The following PRKG1 variants were observed in gnomAD, a reference collection of about 807,000 sequenced individuals.
The protein encoded by PRKG1 is protein kinase cGMP-dependent 1, also known as cGMP-dependent protein kinase 1.
A neutral mutation model predicts 88.1 loss-of-function variants in PRKG1; 35 were observed. The observed-to-expected ratio is 0.40, with a 90% CI of 0.30 to 0.53. The LOEUF (loss-of-function observed/expected upper bound fraction) is 0.53, where lower values mean the gene tolerates loss of function less well. PRKG1 is among the 20% of genes least tolerant of loss of function. PRKG1 has a pLI of 0.59. For synonymous variants in PRKG1, 303 were observed against 292.5 expected (o/e 1.04, Z -0.37); for missense variants, 540 against 839.8 (o/e 0.64, Z 4.41).
intron 7 of PRKG1, among the ~76,000 whole-genome samples, chr10:52,078,229 A>G (rs1413365246): frequency 6.6e-6 from 1 of 152,240 alleles, no homozygotes; most frequent in Admixed American, 6.5e-5. Context: ...AGTCTTTTAC[A>G]TTGTATTACC....
chr10:51,749,362 T>C (rs1454490136), intron 3 of PRKG1, among the ~76,000 whole-genome samples: 1 of 152,210 alleles, frequency 6.6e-6, no homozygotes, highest in Admixed American at 6.5e-5. Context: ...GCCACGAGCA[T>C]GGCCAGGAGC....
chr10:51,001,376 C>T (rs771408492), intron 1 of PRKG1, among the ~76,000 whole-genome samples: 42 of 152,138 alleles, frequency 2.8e-4, no homozygotes, highest in Non-Finnish European at 5.7e-4. Context: ...CATGGTGCTT[C>T]CCCCGACTCC....
chr10:51,553,950 TAA>T (rs1267196976), intron 3 of PRKG1, among the ~76,000 whole-genome samples: 5 of 132,366 alleles, frequency 3.8e-5, no homozygotes, highest in African/African-American at 1.5e-4. Context: ...TACGTGTATA[TAA>T]TATATGTATG....
intron 2 of PRKG1, among the ~76,000 whole-genome samples, chr10:51,212,068 C>T (rs1785245282): frequency 6.6e-6 from 1 of 152,122 alleles, no homozygotes; most frequent in African/African-American, 2.4e-5. Flanking sequence ...TCAAACTATA[C>T]TACAAGGCTA....
intron 3 of PRKG1, among the ~76,000 whole-genome samples, chr10:51,634,046 A>G (rs1447151304): frequency 6.6e-6 from 1 of 152,144 alleles, no homozygotes; most frequent in African/African-American, 2.4e-5. Context: ...ATAGAATGCA[A>G]AAGTTTCTGG....
At chr10:51,077,640 G>A (rs921683216) in intron 1 of PRKG1, among the ~76,000 whole-genome samples, 2 of 152,048 alleles carry the variant, frequency 1.3e-5, no homozygotes, top group African/African-American at 4.8e-5. Flanking sequence ...TTCCTTTAAT[G>A]TGGGAATTGG....
chr10:52,084,056 G>C (rs1174182804), intron 7 of PRKG1, among the ~76,000 whole-genome samples: 1 of 151,978 alleles, frequency 6.6e-6, no homozygotes, highest in South Asian at 2.1e-4. Flanking sequence ...AAAGAATATA[G>C]ACAGGACTCT....
intron 2 of PRKG1, among the ~76,000 whole-genome samples, chr10:51,404,901 T>A (rs1195910987): frequency 6.6e-6 from 1 of 152,108 alleles, no homozygotes; most frequent in Non-Finnish European, 1.5e-5. Context: ...TCCTTAATGT[T>A]GGAGAAAATG....
intron 9 of PRKG1, among the ~76,000 whole-genome samples, chr10:52,167,879 G>T (rs1838532164): frequency 6.6e-6 from 1 of 152,158 alleles, no homozygotes; most frequent in Non-Finnish European, 1.5e-5. Flanking sequence ...TATCTAGATT[G>T]ATAATAACCA....
At chr10:51,913,947 A>C (rs770026026) in intron 5 of PRKG1, among the ~76,000 whole-genome samples, 3 of 152,164 alleles carry the variant, frequency 2.0e-5, no homozygotes, top group African/African-American at 4.8e-5. Context: ...TATTTGAATT[A>C]ATTGAATGTA....
chr10:51,048,544 A>G (rs946345495), intron 1 of PRKG1, among the ~76,000 whole-genome samples: 1 of 152,176 alleles, frequency 6.6e-6, no homozygotes, highest in Non-Finnish European at 1.5e-5. Context: ...TTGAGCTTCA[A>G]ATCAATGGTG....
intron 3 of PRKG1, among the ~76,000 whole-genome samples, chr10:51,655,559 C>T (rs558049562): frequency 7.9e-5 from 12 of 151,618 alleles, no homozygotes; most frequent in African/African-American, 1.2e-4. Flanking sequence ...ATTCTACAGA[C>T]GATAAAATTC....
intron 5 of PRKG1, among the ~76,000 whole-genome samples, chr10:51,918,161 A>G (rs1394636122): frequency 6.6e-6 from 1 of 152,160 alleles, no homozygotes; most frequent in African/African-American, 2.4e-5. Flanking sequence ...ACAGCGAATT[A>G]AATGGGGAAG....
chr10:51,261,243 A>T (rs1331043089), intron 2 of PRKG1, among the ~76,000 whole-genome samples: 1 of 152,206 alleles, frequency 6.6e-6, no homozygotes, highest in Non-Finnish European at 1.5e-5. Context: ...TTAATTTTTT[A>T]AAAAACTTTT....
chr10:51,888,935 T>TA (rs1405637064), intron 4 of PRKG1, among the ~76,000 whole-genome samples: 1 of 152,230 alleles, frequency 6.6e-6, no homozygotes, highest in Non-Finnish European at 1.5e-5. Flanking sequence ...TAATGTCACA[T>TA]AGTTACAAAG....
intron 4 of PRKG1, among the ~76,000 whole-genome samples, chr10:51,851,795 AC>A (rs1359186211): frequency 6.6e-6 from 1 of 152,144 alleles, no homozygotes; most frequent in African/African-American, 2.4e-5. Flanking sequence ...CTGGACACTC[AC>A]GTACATTTTG....
intron 2 of PRKG1, among the ~76,000 whole-genome samples, chr10:51,357,560 A>G (rs779302095): frequency 8.6e-5 from 13 of 151,962 alleles, no homozygotes; most frequent in Non-Finnish European, 1.8e-4. Context: ...CATCTGTAAA[A>G]TCCTTTTTCT....
At chr10:51,250,305 C>T (rs16915870) in intron 2 of PRKG1, among the ~76,000 whole-genome samples, 5,795 of 151,912 alleles carry the variant, frequency 0.038, 356 homozygotes, top group African/African-American at 0.13. Context: ...TGTTTAGCAA[C>T]GTATCAATTT....
intron 1 of PRKG1, among the ~76,000 whole-genome samples, chr10:51,039,630 G>A (rs554991633): frequency 6.6e-6 from 1 of 151,890 alleles, no homozygotes; most frequent in Non-Finnish European, 1.5e-5. Flanking sequence ...TTTTGCTTTG[G>A]CTGCCTGTGC....
Sources: gnomAD v4.1 joint callset for allele counts (sites outside exome capture counted in the v4.1 genomes callset) on GRCh38, gnomAD v4.1.1 for gene constraint, MANE v1.5 for transcripts, NCBI Gene and HGNC (gene_info 2026-07-23, HGNC 2026-07-21) for gene names.